Variants in SYN3 observed in about 807,000 individuals in gnomAD.
SYN3 encodes the protein synapsin III, also known as synapsin-3.
In SYN3, 35 loss-of-function variants were observed where a neutral mutation model predicts 65.8. The observed-to-expected ratio is 0.53, with a 90% CI of 0.41 to 0.70. SYN3 has a LOEUF of 0.70. SYN3 is among the 30% of genes least tolerant of loss of function. The pLI is 0.00. For synonymous variants in SYN3, 270 were observed against 292.9 expected (o/e 0.92, Z 0.80); for missense variants, 680 against 749.0 (o/e 0.91, Z 1.08).
chr22:32,557,103 T>C (rs1320223068), intron 7 of SYN3, among the ~76,000 whole-genome samples: 1 of 152,142 alleles, frequency 6.6e-6, no homozygotes, highest in African/African-American at 2.4e-5. Flanking sequence ...TTAGTGAGAG[T>C]AAGCTCGCTA....
intron 6 of SYN3, among the ~76,000 whole-genome samples, chr22:32,721,354 C>T (rs1188564866): frequency 6.6e-6 from 1 of 152,072 alleles, no homozygotes; most frequent in Non-Finnish European, 1.5e-5. Flanking sequence ...AGTTATTTGC[C>T]CCCTTTCCCT....
chr22:32,668,351 C>A (rs959021235), intron 6 of SYN3, among the ~76,000 whole-genome samples: 1 of 152,138 alleles, frequency 6.6e-6, no homozygotes, highest in East Asian at 1.9e-4. Context: ...TCACTTCCCT[C>A]ATTTCCACCC....
At chr22:32,994,085 A>G (rs900419463) in intron 2 of SYN3, among the ~76,000 whole-genome samples, 9 of 152,122 alleles carry the variant, frequency 5.9e-5, no homozygotes, top group Admixed American at 2.0e-4. Context: ...GCTGGATTGG[A>G]CAGCGTGTAG....
chr22:32,648,047 T>TG (rs1308409031), intron 6 of SYN3, among the ~76,000 whole-genome samples: 3 of 151,956 alleles, frequency 2.0e-5, no homozygotes, highest in East Asian at 3.9e-4. Context: ...TTGTAGGGAT[T>TG]GGGGGGGTGT....
At chr22:32,891,210 G>A (rs187644132) in intron 4 of SYN3, among the ~76,000 whole-genome samples, 185 of 152,300 alleles carry the variant, frequency 1.2e-3, no homozygotes, top group Non-Finnish European at 1.8e-3. Context: ...GAATTGACAC[G>A]TTGGCCATCT....
chr22:32,970,228 T>C (rs943376967), intron 3 of SYN3, among the ~76,000 whole-genome samples: 1 of 152,176 alleles, frequency 6.6e-6, no homozygotes, highest in African/African-American at 2.4e-5. Context: ...ATGAGGAAAC[T>C]GAGGCATGGG....
intron 6 of SYN3, among the ~76,000 whole-genome samples, chr22:32,620,631 A>G (rs572412659): frequency 2.4e-4 from 37 of 152,278 alleles, no homozygotes; most frequent in African/African-American, 8.9e-4. Flanking sequence ...TCAATTTTCA[A>G]GAGAACCCGG....
intron 3 of SYN3, among the ~76,000 whole-genome samples, chr22:32,953,213 G>A (rs889421459): frequency 1.3e-5 from 2 of 152,154 alleles, no homozygotes; most frequent in African/African-American, 2.4e-5. Context: ...CTTGAACTCA[G>A]GTCAGTCTGA....
intron 6 of SYN3, among the ~76,000 whole-genome samples, chr22:32,739,163 A>C (rs2147379773): frequency 6.8e-6 from 1 of 146,254 alleles, no homozygotes; most frequent in East Asian, 2.1e-4. Flanking sequence ...GGTGGGAGAT[A>C]ATTGAATCAC....
chr22:32,697,086 A>G (rs2060747019), intron 6 of SYN3, among the ~76,000 whole-genome samples: 1 of 152,240 alleles, frequency 6.6e-6, no homozygotes, highest in Non-Finnish European at 1.5e-5. Context: ...AGTCATGGAC[A>G]TTAAGTGGGA....
chr22:33,017,784 T>C (rs564597851), intron 1 of SYN3, among the ~76,000 whole-genome samples: 45 of 152,006 alleles, frequency 3.0e-4, no homozygotes, highest in Non-Finnish European at 5.2e-4. Flanking sequence ...GTAGAATCTT[T>C]AGGATTTTCT....
In SYN3 at chr22:32,877,375, G is replaced by A. The variant is rs368373449; in HGVS notation, c.462-8250C>T. Among the ~76,000 whole-genome samples, 65 of 152,290 alleles carry A rather than the reference G, an allele frequency of 4.3e-4. 1 individual carries two copies. The South Asian group carries it at 0.01, about 24-fold the overall frequency. ...CAGCTAAGGAACTCACCAAGGTCAC[G>A]CAGCTATTGGTGATGGAACCATGAG... On this transcript the variant is annotated intron_variant, in intron 4 of 13. Coordinates refer to ENST00000358763, the MANE Select transcript of SYN3 (RefSeq NM_003490.4).
At chr22:32,973,147 C>T (rs2146946947) in intron 3 of SYN3, among the ~76,000 whole-genome samples, 1 of 152,292 alleles carries the variant, frequency 6.6e-6, no homozygotes, top group Non-Finnish European at 1.5e-5. Context: ...CCTTTTGATC[C>T]ATTTGTAATC....
intron 7 of SYN3, among the ~76,000 whole-genome samples, chr22:32,583,094 G>A (rs135583): frequency 0.062 from 9,399 of 152,218 alleles, 350 homozygotes; most frequent in Non-Finnish European, 0.083. Flanking sequence ...AGGGTCTGCC[G>A]CTAGTGTCCT....
At position 32,642,598 on chromosome 22, in the gene SYN3, G is replaced by A. The variant is rs535521559; in HGVS notation, c.712-45862C>T. 3.4e-3 allele frequency among the ~76,000 whole-genome samples: 513 copies of A among 151,878 alleles called. 2 individuals carry two copies. Among genetic ancestry groups the A allele is most frequent in the Admixed American group, 9.0e-3 (138 of 15,256 alleles). ...CTGGGACTACAGGCGCCCCCACCAC[G>A]CCTGGCTAATTTTTTGTATTTTTAG... On this transcript the variant is annotated intron_variant, in intron 6 of 13. Transcript: ENST00000358763.
chr22:32,919,942 C>T (rs2050291911), intron 4 of SYN3, among the ~76,000 whole-genome samples: 1 of 152,160 alleles, frequency 6.6e-6, no homozygotes, highest in African/African-American at 2.4e-5. Context: ...TATAGACCAT[C>T]CCCTCCTCTG....
chr22:32,995,608 A>C (rs1396369778), intron 2 of SYN3, among the ~76,000 whole-genome samples: 1 of 151,900 alleles, frequency 6.6e-6, no homozygotes, highest in Non-Finnish European at 1.5e-5. Flanking sequence ...CAGTCCTTAC[A>C]AGGACAGGCC....
At chr22:32,549,092 A>G (rs1157238681) in intron 7 of SYN3, among the ~76,000 whole-genome samples, 1 of 152,090 alleles carries the variant, frequency 6.6e-6, no homozygotes, top group Admixed American at 6.5e-5. Context: ...GGGATGGTGC[A>G]TTGACTGCTG....
chr22:32,904,228 G>A (rs1021266765), intron 4 of SYN3, among the ~76,000 whole-genome samples: 1 of 152,202 alleles, frequency 6.6e-6, no homozygotes, highest in Non-Finnish European at 1.5e-5. Flanking sequence ...TTGAGTGTGG[G>A]CATGTGACAG....
Sources: allele counts gnomAD v4.1 joint callset (sites outside exome capture counted in the v4.1 genomes callset), GRCh38; gene constraint gnomAD v4.1.1; transcripts MANE v1.5; gene names NCBI Gene and HGNC (gene_info 2026-07-23, HGNC 2026-07-21).